ZRSR2: variants seen among roughly 807,000 people sequenced by gnomAD.
ZRSR2 encodes the protein zinc finger CCCH-type, RNA binding motif and serine/arginine rich 2, also known as U2 small nuclear ribonucleoprotein auxiliary factor 35 kDa subunit-related protein 2.
Under a neutral mutation model 39.4 loss-of-function variants are expected in ZRSR2, and 3 were observed. The observed-to-expected ratio is 0.08, with a 90% CI of 0.03 to 0.20. The LOEUF (loss-of-function observed/expected upper bound fraction) is 0.20, where lower values mean the gene tolerates loss of function less well. ZRSR2 is among the 10% of genes least tolerant of loss of function. ZRSR2 has a pLI of 1.00. For synonymous variants in ZRSR2, 137 were observed against 136.0 expected (o/e 1.01, Z -0.05); for missense variants, 256 against 391.5 (o/e 0.65, Z 2.92).
At chrX:15,803,625 G>A in intron 3 of ZRSR2, 63 bp from the exon 4 acceptor site, 2 of 1,138,220 alleles carry the variant, frequency 1.8e-6, no homozygotes, top group South Asian at 4.1e-5. Flanking sequence ...TTGCTCTCGT[G>A]TGTGTGTGTA....
At chrX:15,796,242 G>T (rs769526864) in intron 2 of ZRSR2, among the ~76,000 whole-genome samples, 2 of 111,738 alleles carry the variant, frequency 1.8e-5, no homozygotes, top group African/African-American at 6.5e-5. Context: ...ATCGCTAGTC[G>T]CACTTTGTGT....
chrX:15,813,011 G>T (rs1932908694), intron 7 of ZRSR2, among the ~76,000 whole-genome samples: 1 of 112,330 alleles, frequency 8.9e-6, no homozygotes, highest in African/African-American at 3.2e-5. Context: ...TCATGAGGAT[G>T]TTTCTTACAG....
chrX:15,791,691 C>G (rs1376178916), intron 2 of ZRSR2, among the ~76,000 whole-genome samples: 2 of 90,943 alleles, frequency 2.2e-5, no homozygotes, highest in Non-Finnish European at 4.1e-5. Flanking sequence ...GAGTCTCGCT[C>G]TGTTGCCCAG....
intron 7 of ZRSR2, among the ~76,000 whole-genome samples, chrX:15,812,565 C>A (rs1932903615): frequency 9.0e-6 from 1 of 111,654 alleles, no homozygotes; most frequent in Non-Finnish European, 1.9e-5. Flanking sequence ...TAGAGCCATG[C>A]TGGAATTGGT....
At chrX:15,797,243 T>C (rs1218043165) in intron 2 of ZRSR2, among the ~76,000 whole-genome samples, 3 of 103,930 alleles carry the variant, frequency 2.9e-5, no homozygotes, top group Non-Finnish European at 5.9e-5. Flanking sequence ...GGTGTTTTGC[T>C]CTTGTTTCCC....
intron 9 of ZRSR2, 98 bp from the exon 10 acceptor site, chrX:15,820,109 G>T: frequency 2.7e-6 from 2 of 739,088 alleles, no homozygotes; most frequent in Middle Eastern, 4.3e-4. Context: ...GAACTTGGTG[G>T]TCCTACAATA....
intron 5 of ZRSR2, among the ~76,000 whole-genome samples, chrX:15,805,759 G>A (rs1324734570): frequency 1.8e-5 from 2 of 109,604 alleles, no homozygotes; most frequent in African/African-American, 3.3e-5. Context: ...GTGAAACCCC[G>A]TCTGTACTAA....
chrX:15,823,225 A>C lies in ZRSR2; in HGVS notation c.1432A>C (p.Ser478Arg), dbSNP rs771241496. 8.6e-7 allele frequency: 1 copy of C among 1,159,371 alleles called. No individual in the cohort carries two copies. ...RSGNRDRTVQ[S>R]PKSK Reference sequence around the variant, plus strand: ...GGGTAATAGAGACAGAACTGTTCAGAGTCCCAAATCCAAATAAACTAGTTT... The same window carrying C: ...GGGTAATAGAGACAGAACTGTTCAGCGTCCCAAATCCAAATAAACTAGTTT... The change falls in exon 11 of 11, where the codon AGT becomes CGT. Residue 478 changes from serine (S) to arginine (R), a missense_variant. Coordinates refer to ENST00000307771, the MANE Select transcript of ZRSR2 (RefSeq NM_005089.4).
intron 10 of ZRSR2, among the ~76,000 whole-genome samples, chrX:15,821,331 TAA>T (rs201161176): frequency 4.8e-4 from 48 of 99,388 alleles, no homozygotes; most frequent in Non-Finnish European, 8.2e-4. Flanking sequence ...ACTATTTCAT[TAA>T]AAAAAAAAAA....
chrX:15,815,660 T>C lies in ZRSR2; in HGVS notation c.558-17T>C, dbSNP rs1182033836. On this transcript the variant is annotated splice_polypyrimidine_tract_variant and intron_variant, in intron 7 of 10. Coordinates refer to ENST00000307771, the MANE Select transcript of ZRSR2 (RefSeq NM_005089.4). ...AACTATTGGCCTAGTGAATTTAAGC[T>C]TTTCTTTCATACGCAGATGTTCACG... The C allele has an allele frequency of 8.5e-7, 1 of 1,175,018 alleles. No homozygotes were observed. Among genetic ancestry groups the C allele is most frequent in the Admixed American group, 2.2e-5 (1 of 44,774 alleles).
chrX:15,819,514 C>G (rs781709953), intron 9 of ZRSR2, among the ~76,000 whole-genome samples: 5 of 110,628 alleles, frequency 4.5e-5, no homozygotes, highest in Non-Finnish European at 9.5e-5. Context: ...GAGGTCGAGG[C>G]TGCAGTGAGG....
At chrX:15,817,654 G>T (rs141289365) in intron 8 of ZRSR2, among the ~76,000 whole-genome samples, 81 of 111,473 alleles carry the variant, frequency 7.3e-4, no homozygotes, top group African/African-American at 2.6e-3. Flanking sequence ...CCACTTCAGA[G>T]AGCAGTTTGT....
At chrX:15,794,438 T>A (rs1466849685) in intron 2 of ZRSR2, among the ~76,000 whole-genome samples, 1 of 111,461 alleles carries the variant, frequency 9.0e-6, no homozygotes, top group Non-Finnish European at 1.9e-5. Context: ...ACATAAACAG[T>A]TGATTAACAC....
chrX:15,803,738 A>C lies in ZRSR2; in HGVS notation c.254A>C (p.Glu85Ala), dbSNP rs368125859. 7.5e-6 allele frequency: 9 copies of C among 1,199,910 alleles called. No individual in the cohort carries two copies. The East Asian group carries it at 1.8e-4, about 24-fold the overall frequency. ...WLLREQKAQE[E>A]FRIKKEKEEA... ...CTAAGAGAGCAGAAGGCACAAGAAGAATTCAGAATAAAGAAGGAAAAGGAA... is the reference window on the plus strand; with the variant it reads ...CTAAGAGAGCAGAAGGCACAAGAAGCATTCAGAATAAAGAAGGAAAAGGAA... The change falls in exon 4 of 11, where the codon GAA (glutamate) becomes GCA (alanine). Residue 85 changes from glutamate to alanine, a missense_variant. Physicochemically the swap from Glu to Ala is moderately radical, Grantham distance 107. This residue lies in a region of ZRSR2 where 87 missense variants were observed against 111.7 expected (regional missense o/e 0.78). Coordinates refer to ENST00000307771, the MANE Select transcript of ZRSR2 (RefSeq NM_005089.4).
At chrX:15,801,921 C>A (rs1932685278) in intron 3 of ZRSR2, 1 of 112,151 alleles carries the variant, frequency 8.9e-6, no homozygotes. Context: ...GATGTATATT[C>A]AAGTTATTAA....
intron 7 of ZRSR2, among the ~76,000 whole-genome samples, chrX:15,815,265 T>C (rs1932947255): frequency 8.9e-6 from 1 of 112,478 alleles, no homozygotes; most frequent in Non-Finnish European, 1.9e-5. Flanking sequence ...ATTACATGAG[T>C]TTCTATCTCA....
intron 2 of ZRSR2, among the ~76,000 whole-genome samples, chrX:15,795,085 T>C (rs1321336140): frequency 8.3e-5 from 2 of 24,209 alleles, no homozygotes; most frequent in Admixed American, 7.2e-4. Context: ...CCCCCTGCAC[T>C]TTTCCCCCCC....
At chrX:15,815,591 G>A in intron 7 of ZRSR2, 86 bp from the exon 8 acceptor site, 1 of 827,940 alleles carries the variant, frequency 1.2e-6, no homozygotes, top group Non-Finnish European at 1.7e-6. Context: ...ACAGGCGTGA[G>A]CCACCATGCC....
chrX:15,797,648 AT>A (rs1289748323), intron 2 of ZRSR2, among the ~76,000 whole-genome samples: 32 of 106,716 alleles, frequency 3.0e-4, no homozygotes, highest in South Asian at 1.2e-3. Context: ...CCACTTACCT[AT>A]TTTTTTTTTC....
Sources: allele counts gnomAD v4.1 joint callset (sites outside exome capture counted in the v4.1 genomes callset), GRCh38; gene constraint gnomAD v4.1.1; regional missense constraint gnomAD v4.1.1; transcripts MANE v1.5; gene names NCBI Gene and HGNC (gene_info 2026-07-23, HGNC 2026-07-21).